The following UNC13B variants were observed in gnomAD, a reference collection of about 807,000 sequenced individuals.
UNC13B encodes the protein protein unc-13 homolog B.
UNC13B carries 144 observed loss-of-function variants against 211.0 expected under a neutral mutation model. That is an observed-to-expected ratio of 0.68 (90% CI 0.60 to 0.78). The LOEUF (loss-of-function observed/expected upper bound fraction) is 0.78, where lower values mean the gene tolerates loss of function less well. UNC13B is among the 30% of genes least tolerant of loss of function. The probability of loss-of-function intolerance (pLI) is 0.00; values close to 1 mark genes in which losing one functional copy is unlikely to be tolerated. For missense variants in UNC13B, 1,777 were observed against 2,002.0 expected, an observed-to-expected ratio of 0.89 and a Z score of 2.14; for synonymous variants, 709 against 725.8, an observed-to-expected ratio of 0.98 and a Z score of 0.37.
At chr9:35,387,187 G>T (rs187973608) in intron 24 of UNC13B, among the ~76,000 whole-genome samples, 1 of 152,146 alleles carries the variant, frequency 6.6e-6, no homozygotes, top group Non-Finnish European at 1.5e-5. Flanking sequence ...GAGTCTTTTC[G>T]CACTCTTGAT....
intron 3 of UNC13B, among the ~76,000 whole-genome samples, 156 bp downstream of exon 3, chr9:35,231,375 A>G (rs1390968192): frequency 6.6e-6 from 1 of 152,186 alleles, no homozygotes; most frequent in African/African-American, 2.4e-5. Context: ...GAGTTATAGA[A>G]ATAAGTGAGG....
intron 24 of UNC13B, 51 bp from the exon 25 acceptor site, chr9:35,389,795 A>G (rs1835413849): frequency 8.7e-6 from 14 of 1,604,890 alleles, no homozygotes; most frequent in Non-Finnish European, 1.2e-5. Context: ...CACCCTCTAC[A>G]TTCTACTCTG....
intron 7 of UNC13B, among the ~76,000 whole-genome samples, chr9:35,293,864 A>G (rs1440754970): frequency 6.6e-6 from 1 of 152,088 alleles, no homozygotes; most frequent in African/African-American, 2.4e-5. Context: ...TTTGAACATT[A>G]GCTTCTTTCT....
intron 11 of UNC13B, among the ~76,000 whole-genome samples, chr9:35,338,769 C>A (rs1333161406): frequency 6.6e-6 from 1 of 152,170 alleles, no homozygotes; most frequent in Non-Finnish European, 1.5e-5. Flanking sequence ...AAGGTAAGCA[C>A]CTGCTGGTCC....
At position 35,237,756 on chromosome 9, in the gene UNC13B, T is replaced by A; in HGVS notation, c.324T>A (p.Asp108Glu). 2 of 1,613,550 alleles carry A rather than the reference T, an allele frequency of 1.2e-6. No homozygotes were observed. Among genetic ancestry groups the A allele is most frequent in the Non-Finnish European group, 8.5e-7 (1 of 1,179,558 alleles). The change falls in exon 5 of 40, where the codon GAT becomes GAA. Residue 108 changes from aspartate (D) to glutamate (E), a missense_variant. By Grantham distance (45) the Asp-to-Glu change is conservative (BLOSUM62 2). Coordinates refer to ENST00000635942, the MANE Select transcript of UNC13B (RefSeq NM_001371189.2). ...AGGCAGAGACGTTAATGAAAGACGA[T>A]GAGATCTGTGGAACTAGAAACCCAA... The part of the protein sequence containing the change: ...TLEAETLMKD[D>E]EICGTRNPTP...
chr9:35,313,848 A>G (rs1326617778), intron 10 of UNC13B, 51 bp from the exon 11 acceptor site: 2 of 1,452,214 alleles, frequency 1.4e-6, no homozygotes, highest in Non-Finnish European at 9.7e-7. Flanking sequence ...GAGCAGTGTC[A>G]CCTTGTGGCC....
chr9:35,326,456 G>A (rs994264685), intron 11 of UNC13B, among the ~76,000 whole-genome samples: 3 of 152,130 alleles, frequency 2.0e-5, no homozygotes, highest in African/African-American at 7.2e-5. Context: ...GGAATGCAGT[G>A]GTTCACTGCA....
intron 7 of UNC13B, among the ~76,000 whole-genome samples, chr9:35,272,837 A>G (rs1034724119): frequency 2.0e-5 from 3 of 152,318 alleles, no homozygotes; most frequent in Middle Eastern, 3.4e-3. Flanking sequence ...CCTTTTATTA[A>G]TGATATCCCT....
At chr9:35,272,025 G>T (rs1450040468) in intron 7 of UNC13B, among the ~76,000 whole-genome samples, 2 of 152,030 alleles carry the variant, frequency 1.3e-5, no homozygotes, top group African/African-American at 4.8e-5. Context: ...AGGAAGAATG[G>T]ATAATTATGG....
At chr9:35,342,086 TTC>T (rs1832033775) in intron 11 of UNC13B, 1 of 985,316 alleles carries the variant, frequency 1.0e-6, no homozygotes, top group Admixed American at 6.2e-5. Flanking sequence ...AGGGCATTGT[TTC>T]TGTCATCAAC....
At chr9:35,211,698 C>T (rs987101684) in intron 1 of UNC13B, among the ~76,000 whole-genome samples, 1 of 152,194 alleles carries the variant, frequency 6.6e-6, no homozygotes, top group Non-Finnish European at 1.5e-5. Flanking sequence ...ACACATTTAC[C>T]TACAGTGTAT....
chr9:35,366,691 A>G (rs1276176417), intron 11 of UNC13B, among the ~76,000 whole-genome samples: 1 of 152,166 alleles, frequency 6.6e-6, no homozygotes, highest in Non-Finnish European at 1.5e-5. Flanking sequence ...CTGCCATTCC[A>G]GTAGACTTCA....
At chr9:35,205,630 T>G (rs768207614) in intron 1 of UNC13B, among the ~76,000 whole-genome samples, 1 of 152,236 alleles carries the variant, frequency 6.6e-6, no homozygotes, top group Middle Eastern at 3.2e-3. Context: ...GGACATTTTA[T>G]GTGAATGGAA....
At chr9:35,268,823 T>C (rs1398763593) in intron 7 of UNC13B, among the ~76,000 whole-genome samples, 1 of 152,234 alleles carries the variant, frequency 6.6e-6, no homozygotes, top group Non-Finnish European at 1.5e-5. Context: ...ACTTTGAGAC[T>C]GTGTGTATAC....
rs546528575 is a variant in UNC13B at position 35,201,560 on chromosome 9, T to A, written c.23-26455T>A. ...GATTCAACTTCTTCCTGGTTTAGTCTTGGGAGAGTGTATGTGTCGAGGAAT... is the reference window on the plus strand; with the variant it reads ...GATTCAACTTCTTCCTGGTTTAGTCATGGGAGAGTGTATGTGTCGAGGAAT... On this transcript the variant is annotated intron_variant, in intron 1 of 39. Coordinates refer to ENST00000635942, the MANE Select transcript of UNC13B (RefSeq NM_001371189.2). Among the ~76,000 whole-genome samples, 49 of 152,334 alleles carry A rather than the reference T, an allele frequency of 3.2e-4. 1 individual carries two copies. In the South Asian group the frequency reaches 0.01, roughly 32 times the overall value.
intron 7 of UNC13B, among the ~76,000 whole-genome samples, chr9:35,268,511 C>T (rs1020210553): frequency 2.6e-5 from 4 of 151,980 alleles, no homozygotes; most frequent in African/African-American, 9.7e-5. Context: ...CCTAGCTACT[C>T]GGGAGGCTGA....
In UNC13B at chr9:35,384,294, A is replaced by T; in HGVS notation, c.10855A>T (p.Ile3619Phe). ...GGACCAGCTACACAACTCACTGAGG[A>T]TCGACCTCTCTACATACAGGGTGAG... ...LLDQLHNSLR[I>F]DLSTYRNNFP... The change falls in exon 22 of 40, where the codon ATC becomes TTC. Residue 3619 changes from isoleucine (I) to phenylalanine (F), a missense_variant. Transcript: ENST00000635942. The T allele has an allele frequency of 6.2e-7, 1 of 1,614,038 alleles. No homozygotes were observed. The highest frequency in any genetic ancestry group is 8.5e-7 in the Non-Finnish European group (1 of 1,179,962).
intron 11 of UNC13B, among the ~76,000 whole-genome samples, chr9:35,328,652 CT>C (rs1190982685): frequency 1.3e-4 from 15 of 112,368 alleles, no homozygotes; most frequent in Admixed American, 7.0e-4. Context: ...TCCTTCCTTC[CT>C]TCCTTCCTTC....
chr9:35,171,262 C>T (rs1821317619), intron 1 of UNC13B, among the ~76,000 whole-genome samples: 1 of 151,896 alleles, frequency 6.6e-6, no homozygotes, highest in Admixed American at 6.6e-5. Flanking sequence ...CCACCACGCC[C>T]AGCTAATTTT....
Sources: gnomAD v4.1 joint callset for allele counts (sites outside exome capture counted in the v4.1 genomes callset) on GRCh38, gnomAD v4.1.1 for gene constraint, MANE v1.5 for transcripts, NCBI Gene and HGNC (gene_info 2026-07-23, HGNC 2026-07-21) for gene names.